Variants in NOL4 observed in about 807,000 individuals in gnomAD.
The protein encoded by NOL4 is cancer/testis antigen 125.
A neutral mutation model predicts 75.9 loss-of-function variants in NOL4; 17 were observed. The ratio of observed to expected loss-of-function variants is 0.22; its 90% CI spans 0.15 to 0.34. The LOEUF is 0.34. Ranked by LOEUF, NOL4 falls within the 10% of genes least tolerant of loss-of-function variation. The pLI is 1.00. For missense variants in NOL4, 614 were observed against 793.5 expected, an observed-to-expected ratio of 0.77 and a Z score of 2.72; for synonymous variants, 292 against 289.9, an observed-to-expected ratio of 1.01 and a Z score of -0.07.
intron 9 of NOL4, among the ~76,000 whole-genome samples, chr18:33,884,933 A>G (rs1156933147): frequency 6.6e-6 from 1 of 152,124 alleles, no homozygotes; most frequent in Non-Finnish European, 1.5e-5. Context: ...ACTGAATCAA[A>G]TCTAACTGAC....
At position 34,093,090 on chromosome 18, in the gene NOL4, TC is replaced by T. The variant is rs570040621; in HGVS notation, c.772+374del. Among the ~76,000 whole-genome samples the T allele has an allele frequency of 4.0e-3, 602 of 152,262 alleles. 5 individuals are homozygous for T. Among genetic ancestry groups the T allele is most frequent in the Non-Finnish European group, 7.1e-3 (486 of 68,016 alleles). On this transcript the variant is annotated intron_variant, in intron 5 of 10. Transcript: ENST00000261592. ...CATAAAAGATAAACATCCAAATTAA[TC>T]TTTTGATCATATTTAAATGCTTAAT...
At chr18:34,023,664 G>A (rs1042333438) in intron 5 of NOL4, 1 of 293,400 alleles carries the variant, frequency 3.4e-6, no homozygotes, top group Non-Finnish European at 7.1e-6. Flanking sequence ...AGCAACAGAG[G>A]AGAATGTGGA....
chr18:34,033,197 G>T (rs1040685866), intron 5 of NOL4, among the ~76,000 whole-genome samples: 1 of 151,946 alleles, frequency 6.6e-6, no homozygotes, highest in Non-Finnish European at 1.5e-5. Context: ...TCCAGCAATA[G>T]ATCCCAATCA....
intron 4 of NOL4, among the ~76,000 whole-genome samples, chr18:34,099,255 C>T (rs931696467): frequency 1.3e-5 from 2 of 148,848 alleles, no homozygotes; most frequent in South Asian, 2.1e-4. Flanking sequence ...CCTAGCTACT[C>T]GGGAGGCTGA....
chr18:34,059,727 T>C (rs1465706684), intron 5 of NOL4, among the ~76,000 whole-genome samples: 1 of 152,176 alleles, frequency 6.6e-6, no homozygotes, highest in African/African-American at 2.4e-5. Flanking sequence ...GTTCTGGAAC[T>C]AACTCTTGGG....
At chr18:34,191,790 AG>A (rs1157055180) in intron 1 of NOL4, among the ~76,000 whole-genome samples, 3 of 152,162 alleles carry the variant, frequency 2.0e-5, no homozygotes, top group African/African-American at 7.2e-5. Context: ...ACTTTACAAA[AG>A]GAAGCCGACT....
At chr18:33,905,555 G>C (rs185857943) in intron 9 of NOL4, among the ~76,000 whole-genome samples, 1 of 152,172 alleles carries the variant, frequency 6.6e-6, no homozygotes, top group African/African-American at 2.4e-5. Context: ...TCATATGTTT[G>C]GCAACCCAAG....
Position 33,878,090 on chromosome 18 carries a change from C to T in NOL4, c.1723+5154G>A, listed in dbSNP as rs577712984. ...TAGAAGGTTTTAGATGGTGAAGTGA[C>T]GTGATCAGATTTGCCTTTTCTTAAA... On this transcript the variant is annotated intron_variant, in intron 10 of 10. Transcript: ENST00000261592. Among the ~76,000 whole-genome samples, 4 of 152,098 alleles carry T rather than the reference C, an allele frequency of 2.6e-5. No homozygotes were observed. In the South Asian group the frequency reaches 6.2e-4, roughly 24 times the overall value.
chr18:34,223,970 AAC>A lies in NOL4; in HGVS notation c.-719_-718del. On this transcript the variant is annotated 5_prime_UTR_variant, in exon 1 of 11. Coordinates refer to ENST00000261592, the MANE Select transcript of NOL4 (RefSeq NM_003787.5). ...AATTTTTTATCAAGATATTTTTTAA[AAC>A]GGTTTAAAATGTCATTTCTTCAGAT... The A allele has an allele frequency of 1.3e-5, 2 of 152,388 alleles. No homozygotes were observed. Among genetic ancestry groups the A allele is most frequent in the East Asian group, 3.9e-4 (2 of 5,182 alleles). 9.4% of individuals were successfully genotyped at this position (152,388 alleles called of 1,614,324 possible).
At chr18:34,211,915 T>C (rs889871256) in intron 1 of NOL4, among the ~76,000 whole-genome samples, 5 of 152,284 alleles carry the variant, frequency 3.3e-5, no homozygotes, top group Non-Finnish European at 7.4e-5. Context: ...GTTAGGTAGA[T>C]CTTCTTCAAA....
chr18:33,931,455 G>A (rs2067685333), intron 9 of NOL4, among the ~76,000 whole-genome samples: 1 of 152,138 alleles, frequency 6.6e-6, no homozygotes, highest in Non-Finnish European at 1.5e-5. Flanking sequence ...TAGTGTCTGA[G>A]CACAGTGGCT....
chr18:33,969,223 GATAAT>G (rs1469867000), intron 6 of NOL4, among the ~76,000 whole-genome samples: 3 of 151,994 alleles, frequency 2.0e-5, no homozygotes, highest in Non-Finnish European at 4.4e-5. Context: ...CTCGCAATAT[GATAAT>G]ATAATTCATT....
At chr18:34,076,386 G>A (rs976746380) in intron 5 of NOL4, among the ~76,000 whole-genome samples, 1 of 152,162 alleles carries the variant, frequency 6.6e-6, no homozygotes, top group African/African-American at 2.4e-5. Context: ...ATTGGCAGTG[G>A]CCTATTCTAC....
intron 5 of NOL4, among the ~76,000 whole-genome samples, chr18:34,069,121 T>C (rs1431662981): frequency 1.3e-5 from 2 of 152,170 alleles, no homozygotes; most frequent in African/African-American, 4.8e-5. Context: ...CCATTATTGA[T>C]GTGTGAAACA....
chr18:34,223,124 C>G lies in NOL4; in HGVS notation c.130G>C (p.Glu44Gln), dbSNP rs762659655. The G allele has an allele frequency of 6.2e-7, 1 of 1,614,210 alleles. No homozygotes were observed. Among genetic ancestry groups the G allele is most frequent in the Non-Finnish European group, 8.5e-7 (1 of 1,180,042 alleles). ...ERIVQLLNGS[E>Q]SSSTDNAKFK... The stretch of plus-strand genomic sequence containing the variant: ...TTGGCGTTGTCCGTGGAGCTCGACT[C>G]GGAGCCATTGAGGAGCTGGACGATC... The change falls in exon 1 of 11, where the codon GAG (glutamate) becomes CAG (glutamine). Residue 44 changes from glutamate (E) to glutamine (Q), a missense_variant. Transcript: ENST00000261592.
At chr18:33,928,895 A>T (rs2067506397) in intron 9 of NOL4, among the ~76,000 whole-genome samples, 1 of 152,190 alleles carries the variant, frequency 6.6e-6, no homozygotes, top group African/African-American at 2.4e-5. Context: ...ACTCATGTTT[A>T]GTTCAGAAAT....
chr18:33,953,717 T>C (rs2069419633), intron 8 of NOL4, among the ~76,000 whole-genome samples: 1 of 151,998 alleles, frequency 6.6e-6, no homozygotes, highest in Non-Finnish European at 1.5e-5. Flanking sequence ...GAATATAGAG[T>C]TCAGTGTGAT....
chr18:34,049,678 C>T (rs1000860380), intron 5 of NOL4, among the ~76,000 whole-genome samples: 1 of 152,044 alleles, frequency 6.6e-6, no homozygotes, highest in East Asian at 1.9e-4. Context: ...TATTTCTCAA[C>T]CTTTTATGTT....
intron 6 of NOL4, among the ~76,000 whole-genome samples, chr18:33,988,228 G>A (rs925183154): frequency 6.6e-6 from 1 of 152,196 alleles, no homozygotes; most frequent in Admixed American, 6.5e-5. Context: ...CCCTTAGCCA[G>A]AGAAGTAAAA....
Sources: gnomAD v4.1 joint callset for allele counts (sites outside exome capture counted in the v4.1 genomes callset) on GRCh38, gnomAD v4.1.1 for gene constraint, MANE v1.5 for transcripts, NCBI Gene and HGNC (gene_info 2026-07-23, HGNC 2026-07-21) for gene names.